ZNF814: variants seen among roughly 807,000 people sequenced by gnomAD.
The protein encoded by ZNF814 is zinc finger protein 814.
In ZNF814, 5 loss-of-function variants were observed where a neutral mutation model predicts 7.5. The ratio of observed to expected loss-of-function variants is 0.67; its 90% CI spans 0.35 to 1.40. The LOEUF (loss-of-function observed/expected upper bound fraction) is 1.40, where lower values mean the gene tolerates loss of function less well. Ranked by LOEUF, ZNF814 falls within the 40% of genes most tolerant of loss-of-function variation. ZNF814 has a pLI of 0.04. For synonymous variants in ZNF814, 315 were observed against 340.7 expected, an observed-to-expected ratio of 0.92 and a Z score of 0.83; for missense variants, 962 against 1,018.0, an observed-to-expected ratio of 0.94 and a Z score of 0.75.
At chr19:57,881,397 C>G (rs1410706381) in intron 1 of ZNF814, among the ~76,000 whole-genome samples, 3 of 149,662 alleles carry the variant, frequency 2.0e-5, no homozygotes, top group Non-Finnish European at 2.9e-5. Flanking sequence ...CTGTGCTGAG[C>G]TGGGCTCCGA....
the ZNF814 span, among the ~76,000 whole-genome samples, chr19:57,898,939 CAAAAAAAA>C: frequency 3.3e-5 from 3 of 91,990 alleles, no homozygotes; most frequent in Non-Finnish European, 6.9e-5. Context: ...GACTCTGTCT[CAAAAAAAA>C]AAAAAAAAAA....
At chr19:57,888,024 G>T (rs2071707450) in intron 1 of ZNF814, among the ~76,000 whole-genome samples, 3 of 152,154 alleles carry the variant, frequency 2.0e-5, no homozygotes, top group African/African-American at 7.2e-5. Flanking sequence ...AAGTATAAAA[G>T]TTAATCAAGC....
Position 57,873,195 on chromosome 19 carries a change from A to G in ZNF814, c.2195T>C (p.Ile732Thr), listed in dbSNP as rs757913284. The G allele has an allele frequency of 8.7e-6, 14 of 1,613,038 alleles. No homozygotes were observed. Among genetic ancestry groups the G allele is most frequent in the Non-Finnish European group, 1.2e-5 (14 of 1,179,628 alleles). Reference sequence around the variant, plus strand: ...TCCAGTGTGAACTCTCTGATGTGCAATGAGTTGGTACTTGTTTCTAAAAAA... The same window carrying G: ...TCCAGTGTGAACTCTCTGATGTGCAGTGAGTTGGTACTTGTTTCTAAAAAA... ...QKFFRNKYQL[I>T]AHQRVHTGER... Residue 732 changes from isoleucine (I) to threonine (T), a missense_variant, in exon 3 of 3, where the codon ATT becomes ACT. Coordinates refer to ENST00000435989, the MANE Select transcript of ZNF814 (RefSeq NM_001144989.2).
At chr19:57,890,488 G>C (rs947488999), upstream of ZNF814, among the ~76,000 whole-genome samples, 2 of 152,054 alleles carry the variant, frequency 1.3e-5, no homozygotes, top group Admixed American at 1.3e-4. Flanking sequence ...TGGTAGATAG[G>C]GGGCCATGAA....
intron 1 of ZNF814, among the ~76,000 whole-genome samples, chr19:57,887,815 CTTGAGT>C (rs2071705312): frequency 6.6e-6 from 1 of 152,154 alleles, no homozygotes; most frequent in African/African-American, 2.4e-5. Flanking sequence ...ACCATAAAGC[CTTGAGT>C]TTGTGTCTGG....
chr19:57,894,927 A>G, the ZNF814 span, among the ~76,000 whole-genome samples: 1 of 152,164 alleles, frequency 6.6e-6, no homozygotes, highest in Non-Finnish European at 1.5e-5. Context: ...TTAGAAACGG[A>G]GCCTTCAATG....
rs767832799 is a variant in ZNF814 at position 57,873,272 on chromosome 19, G to A, written c.2118C>T (p.His706=). ...GCTTTTCTCCATTGTGAATTCTCTG[G>A]TGTACAAGGAGGTGAGACTTCTTCT... ...LFKKKSHLLV[H]QRIHNGEKPY... Residue 706 remains histidine, a synonymous_variant, in exon 3 of 3, where the codon CAC becomes CAT. Coordinates refer to ENST00000435989, the MANE Select transcript of ZNF814 (RefSeq NM_001144989.2). 37 of 1,598,922 alleles carry A rather than the reference G, an allele frequency of 2.3e-5. No homozygotes were observed. The South Asian group carries it at 3.4e-4, about 14-fold the overall frequency.
intron 1 of ZNF814, among the ~76,000 whole-genome samples, chr19:57,886,310 C>T (rs981301942): frequency 3.4e-4 from 51 of 152,130 alleles, no homozygotes; most frequent in Admixed American, 1.6e-3. Context: ...CCTCAGACTG[C>T]TTGTCTGACC....
chr19:57,897,039 A>G, the ZNF814 span, among the ~76,000 whole-genome samples: 1 of 152,246 alleles, frequency 6.6e-6, no homozygotes, highest in Non-Finnish European at 1.5e-5. Flanking sequence ...TAAATGTTAC[A>G]GGAGAAAAAT....
At chr19:57,877,623 A>G (rs2071616889) in intron 1 of ZNF814, among the ~76,000 whole-genome samples, 1 of 151,978 alleles carries the variant, frequency 6.6e-6, no homozygotes, top group Non-Finnish European at 1.5e-5. Flanking sequence ...TTGTATTTTT[A>G]GTAGTGATAG....
the ZNF814 span, among the ~76,000 whole-genome samples, chr19:57,898,036 C>G: frequency 3.3e-5 from 5 of 152,254 alleles, no homozygotes; most frequent in South Asian, 1.0e-3. Flanking sequence ...GTACAGTAAC[C>G]ATCCAAGGAA....
At chr19:57,878,789 A>C (rs2071630282) in intron 1 of ZNF814, among the ~76,000 whole-genome samples, 1 of 152,056 alleles carries the variant, frequency 6.6e-6, no homozygotes, top group Non-Finnish European at 1.5e-5. Context: ...TGAAGTGGCC[A>C]GTCATGGTGT....
chr19:57,884,986 G>C (rs1304073454), intron 1 of ZNF814, among the ~76,000 whole-genome samples: 1 of 152,150 alleles, frequency 6.6e-6, no homozygotes, highest in Non-Finnish European at 1.5e-5. Flanking sequence ...CAGCAGCTAA[G>C]ACTTGGAAGT....
chr19:57,880,283 T>C lies in ZNF814; in HGVS notation c.37-3241A>G, dbSNP rs1445215949. Among the ~76,000 whole-genome samples, 9 of 128,534 alleles carry C rather than the reference T, an allele frequency of 7.0e-5. No individual in the cohort carries two copies. The East Asian group carries it at 1.6e-3, about 22-fold the overall frequency. The allele number at this position is 128,534 out of a possible 152,430, so 84.3% of individuals were successfully genotyped here. ...TGGATGACAGAATGAGCCTCAACGC[T>C]GTCTTCCTTCCTCCTCCCTTAACCC... On this transcript the variant is annotated intron_variant, in intron 1 of 2. Coordinates refer to ENST00000435989, the MANE Select transcript of ZNF814 (RefSeq NM_001144989.2).
chr19:57,890,688 G>C (rs779758073), upstream of ZNF814, among the ~76,000 whole-genome samples: 2 of 152,106 alleles, frequency 1.3e-5, no homozygotes, highest in Non-Finnish European at 2.9e-5. Flanking sequence ...CTTAGCTTTT[G>C]CAATGGTGAT....
intron 1 of ZNF814, among the ~76,000 whole-genome samples, chr19:57,878,796 G>T (rs543585265): frequency 1.3e-5 from 2 of 152,182 alleles, no homozygotes; most frequent in East Asian, 3.9e-4. Context: ...GCCAGTCATG[G>T]TGTCTCACAC....
intron 1 of ZNF814, 111 bp from the exon 2 acceptor site, chr19:57,877,153 A>G: frequency 6.7e-7 from 1 of 1,500,598 alleles, no homozygotes; most frequent in South Asian, 1.3e-5. Context: ...GTCCTCAAAC[A>G]TAGGAGAAAC....
chr19:57,888,172 A>C (rs1050232476), intron 1 of ZNF814, among the ~76,000 whole-genome samples: 23 of 152,210 alleles, frequency 1.5e-4, no homozygotes, highest in African/African-American at 5.1e-4. Context: ...TTAACCTTTA[A>C]CATTTACATG....
chr19:57,880,167 C>T (rs1382438563), intron 1 of ZNF814, among the ~76,000 whole-genome samples: 3 of 127,964 alleles, frequency 2.3e-5, no homozygotes, highest in East Asian at 2.5e-4. Flanking sequence ...CCTTACCGAC[C>T]GCATTAGAAA....
Sources: allele counts gnomAD v4.1 joint callset (sites outside exome capture counted in the v4.1 genomes callset), GRCh38; gene constraint gnomAD v4.1.1; transcripts MANE v1.5; gene names NCBI Gene and HGNC (gene_info 2026-07-23, HGNC 2026-07-21).